RIMBP2: variants seen among roughly 807,000 people sequenced by gnomAD.
RIMBP2 encodes the protein RIMS-binding protein 2.
In RIMBP2, 48 loss-of-function variants were observed where a neutral mutation model predicts 118.6. The ratio of observed to expected loss-of-function variants is 0.40; its 90% CI spans 0.32 to 0.51. The LOEUF is 0.51. Ranked by LOEUF, RIMBP2 falls within the 20% of genes least tolerant of loss-of-function variation. RIMBP2 has a pLI of 0.41. For missense variants in RIMBP2, 1,551 were observed against 1,768.3 expected (o/e 0.88, Z 2.20); for synonymous variants, 762 against 742.9 (o/e 1.03, Z -0.42).
In RIMBP2 at chr12:130,447,326, G is replaced by A. The variant is rs997617653; in HGVS notation, c.582-2057C>T. On this transcript the variant is annotated intron_variant, in intron 9 of 22. Transcript: ENST00000690449. This position sits in a 1 kb window ranked among gnomAD's most constrained non-coding sequence, Gnocchi z 4.4. ...ATCCTACGGCTGTCGTGACAACCTC[G>A]TCGGTGCTCCTGCGTGTGGGCCCTG... 2.6e-5 allele frequency among the ~76,000 whole-genome samples: 4 copies of A among 151,824 alleles called. No individual in the cohort carries two copies. The highest frequency in any genetic ancestry group is 5.9e-5 in the Non-Finnish European group (4 of 67,918).
chr12:130,514,545 G>C (rs908046660), intron 3 of RIMBP2, among the ~76,000 whole-genome samples: 5 of 152,116 alleles, frequency 3.3e-5, no homozygotes, highest in Admixed American at 3.3e-4. Context: ...CTCTCCAGGT[G>C]CAGGAGCCCA....
chr12:130,494,221 G>A (rs1388469774), intron 4 of RIMBP2, among the ~76,000 whole-genome samples: 1 of 152,038 alleles, frequency 6.6e-6, no homozygotes, highest in African/African-American at 2.4e-5. Context: ...GGCCCTCCTG[G>A]AGCCCACTCC....
At chr12:130,494,273 G>A (rs541260406) in intron 4 of RIMBP2, among the ~76,000 whole-genome samples, 93 of 152,176 alleles carry the variant, frequency 6.1e-4, no homozygotes, top group South Asian at 4.8e-3. Context: ...GCACCTCCCC[G>A]CCACCACGGT....
At chr12:130,459,944 C>T (rs1158761251) in intron 6 of RIMBP2, among the ~76,000 whole-genome samples, 1 of 152,168 alleles carries the variant, frequency 6.6e-6, no homozygotes, top group South Asian at 2.1e-4. Context: ...CATCCTCAAC[C>T]GTTAGTTCAC....
intron 1 of RIMBP2, among the ~76,000 whole-genome samples, chr12:130,705,036 G>A (rs1408309866): frequency 5.3e-5 from 8 of 152,134 alleles, no homozygotes; most frequent in Admixed American, 1.3e-4. Flanking sequence ...CCCAGAAGCC[G>A]GGGTGGCAAG....
chr12:130,696,937 T>G (rs1333038107), intron 1 of RIMBP2, among the ~76,000 whole-genome samples: 2 of 152,074 alleles, frequency 1.3e-5, no homozygotes, highest in African/African-American at 4.8e-5. Context: ...CTACAAATCA[T>G]CTCACGTGGC....
At chr12:130,533,510 C>CA (rs1420163321) in intron 2 of RIMBP2, among the ~76,000 whole-genome samples, 6 of 152,076 alleles carry the variant, frequency 3.9e-5, no homozygotes, top group Non-Finnish European at 8.8e-5. Context: ...TCCCAAGGAA[C>CA]AAAAAATAGA....
At chr12:130,459,909 A>G (rs2079825642) in intron 6 of RIMBP2, among the ~76,000 whole-genome samples, 1 of 152,252 alleles carries the variant, frequency 6.6e-6, no homozygotes, top group Admixed American at 6.5e-5. Context: ...TCCCAAGGTC[A>G]GCCCCTTGCC....
At chr12:130,713,830 C>T (rs886919136) in intron 1 of RIMBP2, among the ~76,000 whole-genome samples, 1 of 152,334 alleles carries the variant, frequency 6.6e-6, no homozygotes, top group Middle Eastern at 3.4e-3. Context: ...GAGGCGTGCA[C>T]TCAGCTTCAT....
rs12833118 is a variant in RIMBP2 at position 130,664,403 on chromosome 12, G to A, written c.-351-35947C>T. Among the ~76,000 whole-genome samples the A allele has an allele frequency of 2.4e-3, 147 of 61,536 alleles. 4 individuals are homozygous for A. The highest frequency in any genetic ancestry group is 3.3e-3 in the East Asian group (7 of 2,100). 40.4% of individuals were successfully genotyped at this position (61,536 alleles called of 152,430 possible). A position where few individuals can be genotyped will look rare whatever the true frequency, so the allele number is the denominator to read the frequency against. On this transcript the variant is annotated intron_variant, in intron 1 of 22. Coordinates refer to ENST00000690449, the MANE Select transcript of RIMBP2 (RefSeq NM_001393629.1). ...CGCACGCGCATGCACACACACGCAC[G>A]CACGCACGCACACACACGCACACAC...
intron 1 of RIMBP2, among the ~76,000 whole-genome samples, chr12:130,711,202 C>T (rs1255073813): frequency 6.6e-6 from 1 of 152,188 alleles, no homozygotes; most frequent in Non-Finnish European, 1.5e-5. Context: ...GAGATCATGA[C>T]ACTGCATTCC....
At chr12:130,590,399 A>C (rs2059181458) in intron 2 of RIMBP2, among the ~76,000 whole-genome samples, 2 of 152,070 alleles carry the variant, frequency 1.3e-5, no homozygotes, top group Admixed American at 1.3e-4. Flanking sequence ...CCCAAATAAC[A>C]AGCTCAAGCT....
At chr12:130,601,594 A>G (rs918713626) in intron 2 of RIMBP2, among the ~76,000 whole-genome samples, 2 of 152,172 alleles carry the variant, frequency 1.3e-5, no homozygotes, top group Non-Finnish European at 2.9e-5. Flanking sequence ...GGAGAGGTTT[A>G]TGAGCTCTGT....
intron 3 of RIMBP2, among the ~76,000 whole-genome samples, chr12:130,513,635 T>C (rs1407082688): frequency 1.3e-5 from 2 of 152,202 alleles, no homozygotes; most frequent in Non-Finnish European, 2.9e-5. Flanking sequence ...CTTTGCACTA[T>C]GTCTTGGATC....
intron 7 of RIMBP2, among the ~76,000 whole-genome samples, chr12:130,453,432 T>G (rs1233559914): frequency 6.6e-6 from 1 of 152,176 alleles, no homozygotes; most frequent in Admixed American, 6.5e-5. Context: ...CAGGTCAGTG[T>G]GGGAAGATCT....
At chr12:130,495,705 A>G (rs1054583403) in intron 4 of RIMBP2, among the ~76,000 whole-genome samples, 3 of 152,198 alleles carry the variant, frequency 2.0e-5, no homozygotes, top group Admixed American at 6.5e-5. Context: ...GTGTATATCA[A>G]TGAAATTGCT....
At chr12:130,509,448 G>A (rs369978882) in intron 3 of RIMBP2, among the ~76,000 whole-genome samples, 3 of 152,158 alleles carry the variant, frequency 2.0e-5, no homozygotes, top group African/African-American at 7.2e-5. Context: ...GCCTGTACCT[G>A]GTCTACCCCG....
intron 1 of RIMBP2, among the ~76,000 whole-genome samples, chr12:130,645,005 G>A (rs2062790651): frequency 6.6e-6 from 1 of 152,210 alleles, no homozygotes; most frequent in Non-Finnish European, 1.5e-5. Flanking sequence ...GGAACACTGT[G>A]AACCCGTTGT....
At chr12:130,701,279 C>A (rs1215765666) in intron 1 of RIMBP2, among the ~76,000 whole-genome samples, 1 of 152,190 alleles carries the variant, frequency 6.6e-6, no homozygotes, top group Non-Finnish European at 1.5e-5. Flanking sequence ...GCGGGGTGGA[C>A]AGCTTTGCCA....
Sources: gnomAD v4.1 joint callset for allele counts (sites outside exome capture counted in the v4.1 genomes callset) on GRCh38, gnomAD v4.1.1 for gene constraint, Gnocchi (gnomAD v3.1) non-coding constraint, MANE v1.5 for transcripts, NCBI Gene and HGNC (gene_info 2026-07-23, HGNC 2026-07-21) for gene names.